Variants in WDR72 observed in about 807,000 individuals in gnomAD.
WDR72 encodes WD repeat domain 72, also known as WD repeat-containing protein 72.
A neutral mutation model predicts 124.2 loss-of-function variants in WDR72; 120 were observed. That is an observed-to-expected ratio of 0.97 (90% CI 0.83 to 1.12). The LOEUF (loss-of-function observed/expected upper bound fraction) is 1.12, where lower values mean the gene tolerates loss of function less well. WDR72 is among the 50% of genes most tolerant of loss of function. The pLI is 0.00. For synonymous variants in WDR72, 452 were observed against 441.7 expected (o/e 1.02, Z -0.29); for missense variants, 1,387 against 1,278.8 (o/e 1.08, Z -1.29).
At chr15:53,659,175 G>A (rs2015525764) in intron 14 of WDR72, among the ~76,000 whole-genome samples, 1 of 150,918 alleles carries the variant, frequency 6.6e-6, no homozygotes, top group Admixed American at 6.7e-5. Context: ...CACACATTAA[G>A]TAAGCTTTCT....
At chr15:53,711,865 T>C (rs1051219873) in intron 7 of WDR72, among the ~76,000 whole-genome samples, 3 of 152,208 alleles carry the variant, frequency 2.0e-5, no homozygotes, top group Non-Finnish European at 4.4e-5. Flanking sequence ...AAATCTTTGT[T>C]CAAAAATACA....
chr15:53,534,346 C>T (rs1050092916), intron 18 of WDR72, among the ~76,000 whole-genome samples: 1 of 152,100 alleles, frequency 6.6e-6, no homozygotes, highest in African/African-American at 2.4e-5. Context: ...CACTCACTTT[C>T]CTAACCTTTA....
At chr15:53,595,787 G>A (rs993143048) in intron 18 of WDR72, among the ~76,000 whole-genome samples, 6 of 152,096 alleles carry the variant, frequency 3.9e-5, no homozygotes, top group African/African-American at 4.8e-5. Context: ...CTATAATTAC[G>A]TGATATGATG....
chr15:53,668,493 C>T (rs2015854769), intron 13 of WDR72, among the ~76,000 whole-genome samples: 1 of 152,178 alleles, frequency 6.6e-6, no homozygotes, highest in African/African-American at 2.4e-5. Context: ...ATTCACCCTT[C>T]ACTGCTTGCT....
intron 19 of WDR72, among the ~76,000 whole-genome samples, chr15:53,521,365 A>G (rs1438310892): frequency 2.0e-5 from 3 of 152,054 alleles, no homozygotes; most frequent in African/African-American, 7.2e-5. Flanking sequence ...CAACCAAGCC[A>G]CAAATTCTCA....
intron 17 of WDR72, among the ~76,000 whole-genome samples, chr15:53,606,731 G>A (rs1030389804): frequency 2.0e-5 from 3 of 152,110 alleles, no homozygotes; most frequent in Non-Finnish European, 2.9e-5. Context: ...ATGAAGAAAT[G>A]AGAATTCTAG....
At chr15:53,600,361 C>T (rs181255458) in intron 17 of WDR72, among the ~76,000 whole-genome samples, 21 of 152,096 alleles carry the variant, frequency 1.4e-4, no homozygotes, top group Non-Finnish European at 2.4e-4. Context: ...TAATAATGAG[C>T]TAGTATTGAG....
At chr15:53,654,096 G>C (rs1199343960) in intron 14 of WDR72, among the ~76,000 whole-genome samples, 2 of 152,112 alleles carry the variant, frequency 1.3e-5, no homozygotes, top group East Asian at 3.9e-4. Context: ...TAATTCTCAA[G>C]TGAAGAAACT....
intron 17 of WDR72, among the ~76,000 whole-genome samples, chr15:53,600,151 C>A (rs1453393964): frequency 1.3e-5 from 2 of 151,920 alleles, no homozygotes; most frequent in Non-Finnish European, 2.9e-5. Flanking sequence ...TACATAAATA[C>A]CAGTGGAATT....
chr15:53,748,799 C>A lies in WDR72; in HGVS notation c.-13+10834G>T, dbSNP rs2140891896. On this transcript the variant is annotated intron_variant, in intron 1 of 19. Transcript: ENST00000360509. ...TTACCTTTATTCCAGATTTCATCTT[C>A]TATCAACTCAATTACTTCCTTTATT... 2.0e-5 allele frequency among the ~76,000 whole-genome samples: 3 copies of A among 152,306 alleles called. 1 individual carries two copies. In the Middle Eastern group the frequency reaches 0.01, roughly 518 times the overall value.
At chr15:53,751,742 C>T (rs1487492094) in intron 1 of WDR72, among the ~76,000 whole-genome samples, 2 of 152,022 alleles carry the variant, frequency 1.3e-5, no homozygotes, top group African/African-American at 4.8e-5. Context: ...TCTATTGCAC[C>T]CAGCCGTAAT....
intron 17 of WDR72, among the ~76,000 whole-genome samples, chr15:53,606,022 G>A (rs915714483): frequency 2.0e-5 from 3 of 152,124 alleles, no homozygotes; most frequent in Non-Finnish European, 4.4e-5. Context: ...TAGCAGAGAT[G>A]AGAAGAGAAC....
intron 18 of WDR72, among the ~76,000 whole-genome samples, chr15:53,562,265 T>G (rs1035040183): frequency 2.6e-5 from 4 of 151,826 alleles, no homozygotes; most frequent in African/African-American, 9.7e-5. Flanking sequence ...CTTTGCATAT[T>G]CAATTCTTGC....
In WDR72 at chr15:53,716,629, G is replaced by C; in HGVS notation, c.317C>G (p.Pro106Arg). Residue 106 changes from proline to arginine, a missense_variant, in exon 4 of 20, where the codon CCT becomes CGT. By Grantham distance (103) the Pro-to-Arg change is moderately radical. Transcript: ENST00000360509. ...TACACAGATTGCAGTGTGCCTGTAA[G>C]GAAGTGTAGCCTTCTCCATGCACTG... ...NGQCMEKATL[P>R]YRHTAICYYH... 1.2e-6 allele frequency: 2 copies of C among 1,609,300 alleles called. No homozygotes were observed. Among genetic ancestry groups the C allele is most frequent in the South Asian group, 1.1e-5 (1 of 90,976 alleles).
At chr15:53,659,878 C>A (rs2015551706) in intron 14 of WDR72, among the ~76,000 whole-genome samples, 1 of 151,976 alleles carries the variant, frequency 6.6e-6, no homozygotes, top group African/African-American at 2.4e-5. Flanking sequence ...TTCTTTATTC[C>A]ATCTTCCTAG....
chr15:53,582,095 C>T (rs2011959189), intron 18 of WDR72, among the ~76,000 whole-genome samples: 1 of 151,894 alleles, frequency 6.6e-6, no homozygotes, highest in African/African-American at 2.4e-5. Flanking sequence ...ATAACTGGAG[C>T]ATCTAAGTGC....
intron 17 of WDR72, among the ~76,000 whole-genome samples, chr15:53,607,652 C>A (rs1417867949): frequency 6.6e-6 from 1 of 151,924 alleles, no homozygotes; most frequent in African/African-American, 2.4e-5. Flanking sequence ...CAAAAATGGA[C>A]AAATGGAATC....
intron 8 of WDR72, 26 bp from the exon 9 acceptor site, chr15:53,710,979 GT>G: frequency 6.3e-7 from 1 of 1,592,098 alleles, no homozygotes; most frequent in Non-Finnish European, 8.6e-7. Context: ...AAAAAGCAAA[GT>G]TTAGAACTTT....
At chr15:53,695,840 G>A (rs1018432103) in intron 13 of WDR72, among the ~76,000 whole-genome samples, 2 of 152,124 alleles carry the variant, frequency 1.3e-5, no homozygotes, top group African/African-American at 4.8e-5. Context: ...AAAGAGACTC[G>A]TAAGTAAAGT....
Sources: gnomAD v4.1 joint callset for allele counts (sites outside exome capture counted in the v4.1 genomes callset) on GRCh38, gnomAD v4.1.1 for gene constraint, MANE v1.5 for transcripts, NCBI Gene and HGNC (gene_info 2026-07-23, HGNC 2026-07-21) for gene names.